Variants in ATXN7L1 observed in about 807,000 individuals in gnomAD.
The protein encoded by ATXN7L1 is ataxin 7 like 1, also known as ataxin-7-like protein 1.
Under a neutral mutation model 70.8 loss-of-function variants are expected in ATXN7L1, and 15 were observed. That is an observed-to-expected ratio of 0.21 (90% CI 0.14 to 0.33). The LOEUF (loss-of-function observed/expected upper bound fraction) is 0.33, where lower values mean the gene tolerates loss of function less well. ATXN7L1 is among the 10% of genes least tolerant of loss of function. The pLI is 1.00. For missense variants in ATXN7L1, 975 were observed against 1,097.1 expected (o/e 0.89, Z 1.57); for synonymous variants, 440 against 445.1 (o/e 0.99, Z 0.14).
intron 3 of ATXN7L1, among the ~76,000 whole-genome samples, chr7:105,690,900 A>G (rs1171544427): frequency 6.6e-6 from 1 of 152,246 alleles, no homozygotes; most frequent in Non-Finnish European, 1.5e-5. Context: ...TTCTTACTCA[A>G]ACATGCACAC....
chr7:105,682,882 T>A (rs1805715215), intron 3 of ATXN7L1, among the ~76,000 whole-genome samples: 1 of 152,214 alleles, frequency 6.6e-6, no homozygotes, highest in South Asian at 2.1e-4. Flanking sequence ...TTGCACAACA[T>A]TGCCAATGTA....
intron 4 of ATXN7L1, among the ~76,000 whole-genome samples, chr7:105,659,743 A>G (rs975846419): frequency 1.3e-5 from 2 of 151,876 alleles, no homozygotes; most frequent in Non-Finnish European, 2.9e-5. Flanking sequence ...TTCTCACACC[A>G]TATACCTCCC....
In ATXN7L1 at chr7:105,800,413, A is replaced by C. The variant is rs537206520; in HGVS notation, c.251-11705T>G. 8.5e-5 allele frequency among the ~76,000 whole-genome samples: 13 copies of C among 152,296 alleles called. 1 individual carries two copies. The East Asian group carries it at 2.5e-3, about 29-fold the overall frequency. On this transcript the variant is annotated intron_variant, in intron 2 of 11. Transcript: ENST00000419735. Reference sequence around the variant, plus strand: ...AGGGAGCCTTCTTCAATTCCCGCAGAAACAACAAACACTTTCTCTGTATTT... The same window carrying C: ...AGGGAGCCTTCTTCAATTCCCGCAGCAACAACAAACACTTTCTCTGTATTT...
intron 2 of ATXN7L1, among the ~76,000 whole-genome samples, chr7:105,829,829 C>T (rs997589095): frequency 4.6e-5 from 7 of 152,180 alleles, no homozygotes; most frequent in Non-Finnish European, 1.0e-4. Flanking sequence ...GATGTTACTA[C>T]GACCTTACAG....
In ATXN7L1 at chr7:105,869,863, T is replaced by C. The variant is rs573302341; in HGVS notation, c.250+5949A>G. Among the ~76,000 whole-genome samples, 3 of 152,170 alleles carry C rather than the reference T, an allele frequency of 2.0e-5. No individual in the cohort carries two copies. The South Asian group carries it at 6.2e-4, about 32-fold the overall frequency. ...CGATCATTGAAAAAAGTTTTTTAGA[T>C]CTCCCAGTCCCTAGAAAGAACTTTG... On this transcript the variant is annotated intron_variant, in intron 2 of 11. Transcript: ENST00000419735.
chr7:105,775,488 G>A (rs1438829170), intron 3 of ATXN7L1, among the ~76,000 whole-genome samples: 1 of 152,212 alleles, frequency 6.6e-6, no homozygotes, highest in African/African-American at 2.4e-5. Flanking sequence ...CGTGATCCCA[G>A]ATGAAGACAT....
intron 10 of ATXN7L1, among the ~76,000 whole-genome samples, chr7:105,613,106 T>C (rs773756617): frequency 6.6e-6 from 1 of 152,170 alleles, no homozygotes; most frequent in African/African-American, 2.4e-5. Flanking sequence ...TGGGCTTTCC[T>C]AAGTAGCCCC....
intron 7 of ATXN7L1, 100 bp downstream of exon 7, chr7:105,638,253 T>G (rs914670411): frequency 1.4e-6 from 2 of 1,393,872 alleles, no homozygotes; most frequent in African/African-American, 2.9e-5. Flanking sequence ...AGTACTATTA[T>G]GATTTCCATT....
chr7:105,788,749 TTAAG>T, intron 2 of ATXN7L1, 41 bp from the exon 3 acceptor site: 1 of 1,495,320 alleles, frequency 6.7e-7, no homozygotes, highest in Non-Finnish European at 9.3e-7. Flanking sequence ...GAAAAAGCAA[TTAAG>T]TCTCAGAAGG....
chr7:105,875,928 G>C, intron 1 of ATXN7L1, 48 bp from the exon 2 acceptor site: 18 of 1,556,646 alleles, frequency 1.2e-5, no homozygotes, highest in Non-Finnish European at 1.4e-5. Flanking sequence ...AAAAAAGGGG[G>C]GAAAAAAGCC....
chr7:105,667,668 C>T lies in ATXN7L1; in HGVS notation c.356-2380G>A. ...GAGCCGAGATCCCGCCACTGCACTC[C>T]AGCCTGGGCGACAGAGCGAGACTCC... On this transcript the variant is annotated intron_variant, in intron 3 of 11. Transcript: ENST00000419735. Among the ~76,000 whole-genome samples, 2 of 91,528 alleles carry T rather than the reference C, an allele frequency of 2.2e-5. 1 individual carries two copies. Among genetic ancestry groups the T allele is most frequent in the Non-Finnish European group, 4.7e-5 (2 of 42,942 alleles). 60.0% of individuals were successfully genotyped at this position (91,528 alleles called of 152,430 possible). A position where few individuals can be genotyped will look rare whatever the true frequency, so the allele number is the denominator to read the frequency against.
chr7:105,729,297 GAATGAATA>G (rs931744441), intron 3 of ATXN7L1, among the ~76,000 whole-genome samples: 12 of 126,266 alleles, frequency 9.5e-5, no homozygotes, highest in African/African-American at 1.6e-4. Flanking sequence ...ATGAATGAAT[GAATGAATA>G]AATAAATAAA....
chr7:105,759,449 AGTGT>A (rs34887279), intron 3 of ATXN7L1, among the ~76,000 whole-genome samples: 1,005 of 60,468 alleles, frequency 0.017, 10 homozygotes, highest in African/African-American at 0.061. Context: ...TTGGATAGTG[AGTGT>A]GTGTGTGTGT....
intron 2 of ATXN7L1, among the ~76,000 whole-genome samples, chr7:105,868,701 C>T (rs1265731222): frequency 6.6e-6 from 1 of 152,054 alleles, no homozygotes; most frequent in African/African-American, 2.4e-5. Flanking sequence ...GACTTACTTT[C>T]CACTTGGATA....
chr7:105,714,358 T>A (rs1255967933), intron 3 of ATXN7L1, among the ~76,000 whole-genome samples: 1 of 152,220 alleles, frequency 6.6e-6, no homozygotes, highest in Non-Finnish European at 1.5e-5. Context: ...TGAATGGGAA[T>A]CTCAGGGGTG....
chr7:105,612,814 A>G (rs1793276827), intron 10 of ATXN7L1, among the ~76,000 whole-genome samples: 1 of 152,242 alleles, frequency 6.6e-6, no homozygotes, highest in Non-Finnish European at 1.5e-5. Context: ...AACAAGTCTC[A>G]TAAGTGGTGA....
At chr7:105,669,519 G>A (rs193247755) in intron 3 of ATXN7L1, among the ~76,000 whole-genome samples, 19 of 152,266 alleles carry the variant, frequency 1.2e-4, no homozygotes, top group East Asian at 1.2e-3. Context: ...ATAAATAGGC[G>A]AAAGCAGTAT....
chr7:105,763,319 C>A (rs1255924301), intron 3 of ATXN7L1, among the ~76,000 whole-genome samples: 2 of 152,170 alleles, frequency 1.3e-5, no homozygotes, highest in African/African-American at 2.4e-5. Flanking sequence ...CCACTCAGTC[C>A]TCACAGTCTC....
intron 3 of ATXN7L1, among the ~76,000 whole-genome samples, chr7:105,676,874 C>A (rs938035787): frequency 6.6e-6 from 1 of 152,034 alleles, no homozygotes; most frequent in Non-Finnish European, 1.5e-5. Context: ...CCCCCCAAAA[C>A]AAACCTGCAC....
Sources: gnomAD v4.1 joint callset for allele counts (sites outside exome capture counted in the v4.1 genomes callset) on GRCh38, gnomAD v4.1.1 for gene constraint, MANE v1.5 for transcripts, NCBI Gene and HGNC (gene_info 2026-07-23, HGNC 2026-07-21) for gene names.